Variants in ELAVL4 observed in about 807,000 individuals in gnomAD.
The protein encoded by ELAVL4 is ELAV like RNA binding protein 4.
Under a neutral mutation model 35.6 loss-of-function variants are expected in ELAVL4, and 1 was observed. The observed-to-expected ratio is 0.03, with a 90% confidence interval of 0.01 to 0.13. The LOEUF (loss-of-function observed/expected upper bound fraction) is 0.13. Ranked by LOEUF, ELAVL4 falls within the 10% of genes least tolerant of loss-of-function variation. ELAVL4 has a pLI of 1.00. For synonymous variants in ELAVL4, 156 were observed against 171.0 expected, an observed-to-expected ratio of 0.91 and a Z score of 0.69; for missense variants, 267 against 464.9, an observed-to-expected ratio of 0.57 and a Z score of 3.91.
At chr1:50,121,859 C>A (rs1471723869) in intron 1 of ELAVL4, among the ~76,000 whole-genome samples, 1 of 151,962 alleles carries the variant, frequency 6.6e-6, no homozygotes, top group Admixed American at 6.6e-5. Context: ...AAACCTTATG[C>A]CTTGGTTGTG....
chr1:50,062,902 T>C lies in ELAVL4; in HGVS notation c.18+14720T>C, dbSNP rs142462887. ...CATCCATCCATTCACCCATCCATAC[T>C]TGTTTGTTAAGTCTACCAACCCATA... On this transcript the variant is annotated intron_variant, in intron 1 of 6. Transcript: ENST00000448907. Among the ~76,000 whole-genome samples, 174 of 152,284 alleles carry C rather than the reference T, an allele frequency of 1.1e-3. 1 individual carries two copies. Among genetic ancestry groups the C allele is most frequent in the Non-Finnish European group, 9.6e-4 (65 of 68,028 alleles).
chr1:50,159,469 C>T (rs1255343366), intron 2 of ELAVL4, among the ~76,000 whole-genome samples: 1 of 152,148 alleles, frequency 6.6e-6, no homozygotes, highest in Non-Finnish European at 1.5e-5. Context: ...ATTAGCTGGG[C>T]TTTGTGGTGG....
At chr1:50,133,180 G>T (rs1184558536) in intron 1 of ELAVL4, among the ~76,000 whole-genome samples, 1 of 152,018 alleles carries the variant, frequency 6.6e-6, no homozygotes, top group African/African-American at 2.4e-5. Context: ...GCAGAATTTT[G>T]GATTCTTTTC....
chr1:50,121,772 C>T (rs1669078092), intron 1 of ELAVL4, among the ~76,000 whole-genome samples: 1 of 152,014 alleles, frequency 6.6e-6, no homozygotes, highest in Non-Finnish European at 1.5e-5. Context: ...GCATCATATC[C>T]TACATCTTTG....
intron 1 of ELAVL4, among the ~76,000 whole-genome samples, chr1:50,134,924 G>T (rs1233934903): frequency 1.3e-5 from 2 of 152,116 alleles, no homozygotes; most frequent in Non-Finnish European, 2.9e-5. Context: ...AAATGTAAAG[G>T]AGGCCAGTAT....
upstream of ELAVL4, among the ~76,000 whole-genome samples, chr1:50,103,497 T>A (rs2148515745): frequency 6.6e-6 from 1 of 152,304 alleles, no homozygotes; most frequent in African/African-American, 2.4e-5. Flanking sequence ...TTAAATTTTC[T>A]CAAAAGCTTT....
chr1:50,134,282 C>T (rs1671530755), intron 1 of ELAVL4, among the ~76,000 whole-genome samples: 1 of 152,066 alleles, frequency 6.6e-6, no homozygotes, highest in Non-Finnish European at 1.5e-5. Context: ...ATGAATTGTG[C>T]CATTGGCTAT....
chr1:50,195,919 C>T, intron 5 of ELAVL4, 133 bp downstream of exon 5: 1 of 998,616 alleles, frequency 1.0e-6, no homozygotes. Flanking sequence ...TGCAAAACTC[C>T]CCCCGAGCCT....
intron 2 of ELAVL4, among the ~76,000 whole-genome samples, chr1:50,172,219 A>G (rs1393171894): frequency 6.6e-6 from 1 of 151,842 alleles, no homozygotes; most frequent in Non-Finnish European, 1.5e-5. Context: ...TCCTAAAGGC[A>G]AGGAAAAGCT....
chr1:50,170,830 G>A (rs1266159326), intron 2 of ELAVL4, among the ~76,000 whole-genome samples: 1 of 152,046 alleles, frequency 6.6e-6, no homozygotes, highest in Non-Finnish European at 1.5e-5. Flanking sequence ...CCCAAAAGTT[G>A]GAGACCAGGC....
intron 1 of ELAVL4, among the ~76,000 whole-genome samples, chr1:50,083,029 A>G (rs917915070): frequency 6.6e-6 from 1 of 152,130 alleles, no homozygotes; most frequent in Non-Finnish European, 1.5e-5. Flanking sequence ...AGCATTGGCC[A>G]GGAAGTTTAG....
rs202015947 is a variant in ELAVL4, at chr1:50,201,221, C to T, written c.*43C>T. 3.1e-4 allele frequency: 458 copies of T among 1,495,278 alleles called. 2 individuals are homozygous for T. Among genetic ancestry groups the T allele is most frequent in the Middle Eastern group, 7.4e-4 (4 of 5,394 alleles). The allele number at this position is 1,495,278 out of a possible 1,614,324, so 92.6% of individuals were successfully genotyped here. ...ACTAAAATATATATAGAAATATATA[C>T]GAACAAAACACACGCGCGCACACAC... On this transcript the variant is annotated 3_prime_UTR_variant, in exon 7 of 7. Coordinates refer to ENST00000371824, the MANE Select transcript of ELAVL4 (RefSeq NM_001144774.3). The surrounding 1 kb of genome is among the most constrained non-coding windows in gnomAD (Gnocchi z 4.3).
At chr1:50,068,919 G>A (rs2148485095) in intron 1 of ELAVL4, among the ~76,000 whole-genome samples, 1 of 152,274 alleles carries the variant, frequency 6.6e-6, no homozygotes, top group Admixed American at 6.5e-5. Flanking sequence ...CCATAGAGCT[G>A]TACCTGATTT....
chr1:50,097,493 T>G (rs1209078091), intron 1 of ELAVL4, among the ~76,000 whole-genome samples: 1 of 152,184 alleles, frequency 6.6e-6, no homozygotes, highest in Non-Finnish European at 1.5e-5. Context: ...TCTTATTTAC[T>G]CAAGAAGGTT....
intron 1 of ELAVL4, among the ~76,000 whole-genome samples, chr1:50,124,110 C>CACAA (rs1383669617): frequency 6.6e-6 from 1 of 151,992 alleles, no homozygotes; most frequent in Non-Finnish European, 1.5e-5. Context: ...GATATTGGAC[C>CACAA]CAAATCCCCC....
At chr1:50,173,160 T>C (rs1285733905) in intron 2 of ELAVL4, among the ~76,000 whole-genome samples, 1 of 152,264 alleles carries the variant, frequency 6.6e-6, no homozygotes, top group African/African-American at 2.4e-5. Context: ...ATAGAAACTT[T>C]TATGAGCTAG....
At chr1:50,065,807 G>T (rs1664230804) in intron 1 of ELAVL4, among the ~76,000 whole-genome samples, 1 of 152,092 alleles carries the variant, frequency 6.6e-6, no homozygotes, top group Non-Finnish European at 1.5e-5. Flanking sequence ...TCATGACCAG[G>T]TTCTTTCACA....
intron 2 of ELAVL4, among the ~76,000 whole-genome samples, chr1:50,150,538 G>T (rs1674595789): frequency 6.6e-6 from 1 of 152,156 alleles, no homozygotes; most frequent in Non-Finnish European, 1.5e-5. Flanking sequence ...GTGGGAAATG[G>T]ACCACAGCGG....
At chr1:50,187,183 T>A (rs529659386) in intron 3 of ELAVL4, among the ~76,000 whole-genome samples, 1 of 152,308 alleles carries the variant, frequency 6.6e-6, no homozygotes, top group East Asian at 1.9e-4. Flanking sequence ...GGGGAAAATC[T>A]GCAGCCTGAT....
Sources: gnomAD v4.1 joint callset for allele counts (sites outside exome capture counted in the v4.1 genomes callset) on GRCh38, gnomAD v4.1.1 for gene constraint, Gnocchi (gnomAD v3.1) non-coding constraint, MANE v1.5 for transcripts, NCBI Gene and HGNC (gene_info 2026-07-23, HGNC 2026-07-21) for gene names.